OR2B2: variants seen among roughly 807,000 people sequenced by gnomAD.
OR2B2 encodes olfactory receptor family 2 subfamily B member 2, also known as olfactory receptor 2B2.
For missense variants in OR2B2, 362 were observed against 422.4 expected (o/e 0.86, Z 1.25); for synonymous variants, 137 against 150.9 (o/e 0.91, Z 0.67).
chr6:27,911,354 A>G lies in OR2B2; in HGVS notation c.966T>C (p.Phe322=), dbSNP rs765840458. The part of the protein sequence containing the change: ...QEIRNMQMIS[F]AKDTVLTYLT... Reference sequence around the variant, plus strand: ...GGTAAGTAAGCACTGTGTCTTTAGCAAAGCTTATCATTTGCATATTTCTTA... The same window carrying G: ...GGTAAGTAAGCACTGTGTCTTTAGCGAAGCTTATCATTTGCATATTTCTTA... The change falls in exon 1 of 1, where the codon TTT becomes TTC. Residue 322 remains phenylalanine (F), a synonymous_variant. Coordinates refer to ENST00000303324, the MANE Select transcript of OR2B2 (RefSeq NM_033057.2). 2 of 1,614,038 alleles carry G rather than the reference A, an allele frequency of 1.2e-6. No homozygotes were observed. The highest frequency in any genetic ancestry group is 2.2e-5 in the South Asian group (2 of 91,056).
Position 27,911,772 on chromosome 6 carries a change from G to A in OR2B2, c.548C>T (p.Ala183Val), listed in dbSNP as rs764863609. Residue 183 changes from alanine (A) to valine (V), a missense_variant, in exon 1 of 1, where the codon GCT (alanine) becomes GTT (valine). Physicochemically the swap from Ala to Val is moderately conservative, Grantham distance 64. Transcript: ENST00000303324. The stretch of plus-strand genomic sequence containing the variant: ...GTCAACACAGGACAACTTGAGCAGA[G>A]CAGGGACTTCACAGAAGAAGTGATC... ...EVDHFFCEVP[A>V]LLKLSCVDTT... 3 of 1,613,952 alleles carry A rather than the reference G, an allele frequency of 1.9e-6. No homozygotes were observed. Among genetic ancestry groups the A allele is most frequent in the African/African-American group, 2.7e-5 (2 of 75,058 alleles).
In OR2B2 at chr6:27,912,149, G is replaced by A; in HGVS notation, c.171C>T (p.Thr57=). The change falls in exon 1 of 1, where the codon ACC becomes ACT. Residue 57 remains threonine, a synonymous_variant. Coordinates refer to ENST00000303324, the MANE Select transcript of OR2B2 (RefSeq NM_033057.2). ...LVSHVDFKLH[T]PMYFFLSNLS... is the part of the protein sequence containing the mutation. ...GATTGCTAAGAAAAAAGTACATAGGGGTGTGGAGTTTGAAATCCACATGTG... is the reference window on the plus strand; with the variant it reads ...GATTGCTAAGAAAAAAGTACATAGGAGTGTGGAGTTTGAAATCCACATGTG... 6.2e-7 allele frequency: 1 copy of A among 1,614,126 alleles called. No individual in the cohort carries two copies. The highest frequency in any genetic ancestry group is 8.5e-7 in the Non-Finnish European group (1 of 1,180,028).
At position 27,911,592 on chromosome 6, in the gene OR2B2, G is replaced by C. The variant is rs1762197366; in HGVS notation, c.728C>G (p.Ser243Cys). The stretch of plus-strand genomic sequence containing the variant: ...AAAAAGTGACACCACAATTAGATGG[G>C]AGCCACATGTCCCAAATGCCTTTCG... ...GQRKAFGTCG[S>C]HLIVVSLFYG... Residue 243 changes from serine (S) to cysteine (C), a missense_variant, in exon 1 of 1, where the codon TCC becomes TGC. Transcript: ENST00000303324. 6.2e-7 allele frequency: 1 copy of C among 1,613,974 alleles called. No homozygotes were observed. Among genetic ancestry groups the C allele is most frequent in the Admixed American group, 1.7e-5 (1 of 59,986 alleles).
At position 27,911,754 on chromosome 6, in the gene OR2B2, C is replaced by T; in HGVS notation, c.566G>A (p.Cys189Tyr). The change falls in exon 1 of 1, where the codon TGT becomes TAT. Residue 189 changes from cysteine (C) to tyrosine (Y), a missense_variant. Physicochemically the swap from Cys to Tyr is radical, Grantham distance 194. Transcript: ENST00000303324. ...AGCCTCATTTGCTGTTGTGTCAACA[C>T]AGGACAACTTGAGCAGAGCAGGGAC... ...CEVPALLKLS[C>Y]VDTTANEAEL... is the part of the protein sequence containing the mutation. 1.2e-6 allele frequency: 2 copies of T among 1,613,464 alleles called. No homozygotes were observed. The highest frequency in any genetic ancestry group is 1.7e-5 in the Admixed American group (1 of 59,944).
chr6:27,911,773 C>T lies in OR2B2; in HGVS notation c.547G>A (p.Ala183Thr). Residue 183 changes from alanine to threonine, a missense_variant, in exon 1 of 1, where the codon GCT (alanine) becomes ACT (threonine). Coordinates refer to ENST00000303324, the MANE Select transcript of OR2B2 (RefSeq NM_033057.2). The stretch of plus-strand genomic sequence containing the variant: ...TCAACACAGGACAACTTGAGCAGAG[C>T]AGGGACTTCACAGAAGAAGTGATCC... The part of the protein sequence containing the change: ...EVDHFFCEVP[A>T]LLKLSCVDTT... 2 of 1,613,752 alleles carry T rather than the reference C, an allele frequency of 1.2e-6. No homozygotes were observed. The highest frequency in any genetic ancestry group is 1.7e-6 in the Non-Finnish European group (2 of 1,179,828).
Position 27,911,827 on chromosome 6 carries a change from T to G in OR2B2, c.493A>C (p.Lys165Gln). Reference protein sequence around the residue: ...NSVLQSTWTLKMPLCGHKEVD... With the variant: ...NSVLQSTWTLQMPLCGHKEVD... ...TCTTTGTGACCACACAGTGGCATCT[T>G]AAGTGTCCAGGTGGACTGTAATACT... The change falls in exon 1 of 1, where the codon AAG (lysine) becomes CAG (glutamine). Residue 165 changes from lysine to glutamine, a missense_variant. By Grantham distance (53) the Lys-to-Gln change is moderately conservative. Coordinates refer to ENST00000303324, the MANE Select transcript of OR2B2 (RefSeq NM_033057.2). 6.2e-7 allele frequency: 1 copy of G among 1,614,212 alleles called. No homozygotes were observed. Among genetic ancestry groups the G allele is most frequent in the Non-Finnish European group, 8.5e-7 (1 of 1,180,040 alleles).
In OR2B2 at chr6:27,912,206, T is replaced by C; in HGVS notation, c.114A>G (p.Thr38=). The C allele has an allele frequency of 6.2e-7, 1 of 1,614,210 alleles. No homozygotes were observed. Among genetic ancestry groups the C allele is most frequent in the Non-Finnish European group, 8.5e-7 (1 of 1,180,046 alleles). ...FVMFLFSYIL[T]IFGNLTIILV... is the part of the protein sequence containing the mutation. ...GAATTATTGTCAGATTGCCAAAGAT[T>C]GTCAAGATATAGGAAAACAGAAACA... is the stretch of plus-strand genomic sequence containing the variant. The change falls in exon 1 of 1, where the codon ACA becomes ACG. Residue 38 remains threonine, a synonymous_variant. Coordinates refer to ENST00000303324, the MANE Select transcript of OR2B2 (RefSeq NM_033057.2).
At position 27,911,489 on chromosome 6, in the gene OR2B2, G is replaced by A. The variant is rs1184362731; in HGVS notation, c.831C>T (p.Phe277=). 6.2e-7 allele frequency: 1 copy of A among 1,614,162 alleles called. No individual in the cohort carries two copies. Among genetic ancestry groups the A allele is most frequent in the African/African-American group, 1.3e-5 (1 of 75,038 alleles). ...SKDRGKMVSL[F]CGIIAPMLNP... is the part of the protein sequence containing the mutation. ...TCAGCATGGGTGCAATGATTCCACA[G>A]AAGAGAGAAACCATCTTTCCCCGGT... The change falls in exon 1 of 1, where the codon TTC becomes TTT. Residue 277 remains phenylalanine (F), a synonymous_variant. Coordinates refer to ENST00000303324, the MANE Select transcript of OR2B2 (RefSeq NM_033057.2).
At position 27,912,379 on chromosome 6, in the gene OR2B2, C is replaced by T. The variant is rs1762211387; in HGVS notation, c.-60G>A. The T allele has an allele frequency of 2.9e-6, 3 of 1,037,366 alleles. No homozygotes were observed. In the Admixed American group the frequency reaches 7.2e-5, roughly 25 times the overall value. The allele number at this position is 1,037,366 out of a possible 1,614,324, so 64.3% of individuals were successfully genotyped here. On this transcript the variant is annotated 5_prime_UTR_variant, in exon 1 of 1. It adds an upstream start codon to the 5' untranslated region. Transcript: ENST00000303324. ...AAGAAGTCAGGAAGTTAACAACACA[C>T]TTCCTGATTTTGTCAGCTATAATCA...
Position 27,911,291 on chromosome 6 carries a change from A to G in OR2B2, c.1029T>C (p.Ile343=). The change falls in exon 1 of 1, where the codon ATT becomes ATC. Residue 343 remains isoleucine (I), a synonymous_variant. Transcript: ENST00000303324. ...NFSASCPIFV[I]TIENYCNLPQ... is the part of the protein sequence containing the mutation. ...GGAGATTACAATAGTTTTCTATAGT[A>G]ATGACAAAAATAGGACAACTTGCGG... The G allele has an allele frequency of 6.3e-7, 1 of 1,599,576 alleles. No individual in the cohort carries two copies.
chr6:27,912,265 C>G lies in OR2B2; in HGVS notation c.55G>C (p.Asp19His). Residue 19 changes from aspartate to histidine, a missense_variant, in exon 1 of 1, where the codon GAT becomes CAT. Transcript: ENST00000303324. ...GGTGGAATCTCTAGCCATGGTTGAT[C>G]TGAGAAAACTAACAGAATGAACTCC... ...PQEFILLVFS[D>H]QPWLEIPPFV... 6.2e-7 allele frequency: 1 copy of G among 1,613,366 alleles called. No homozygotes were observed. The highest frequency in any genetic ancestry group is 8.5e-7 in the Non-Finnish European group (1 of 1,179,610).
At position 27,911,783 on chromosome 6, in the gene OR2B2, A is replaced by G; in HGVS notation, c.537T>C (p.Cys179=). 1 of 1,614,058 alleles carries G rather than the reference A, an allele frequency of 6.2e-7. No individual in the cohort carries two copies. Among genetic ancestry groups the G allele is most frequent in the African/African-American group, 1.3e-5 (1 of 75,052 alleles). Residue 179 remains cysteine (C), a synonymous_variant, in exon 1 of 1, where the codon TGT becomes TGC. Transcript: ENST00000303324. The part of the protein sequence containing the change: ...CGHKEVDHFF[C]EVPALLKLSC... ...ACAACTTGAGCAGAGCAGGGACTTC[A>G]CAGAAGAAGTGATCCACTTCTTTGT...
chr6:27,911,752 C>G lies in OR2B2; in HGVS notation c.568G>C (p.Val190Leu). 6 of 1,613,428 alleles carry G rather than the reference C, an allele frequency of 3.7e-6. No homozygotes were observed. Among genetic ancestry groups the G allele is most frequent in the Non-Finnish European group, 5.1e-6 (6 of 1,179,694 alleles). The change falls in exon 1 of 1, where the codon GTT becomes CTT. Residue 190 changes from valine (V) to leucine (L), a missense_variant. Transcript: ENST00000303324. ...TCAGCCTCATTTGCTGTTGTGTCAACACAGGACAACTTGAGCAGAGCAGGG... is the reference window on the plus strand; with the variant it reads ...TCAGCCTCATTTGCTGTTGTGTCAAGACAGGACAACTTGAGCAGAGCAGGG... Reference protein sequence around the residue: ...EVPALLKLSCVDTTANEAELF... With the variant: ...EVPALLKLSCLDTTANEAELF...
At position 27,911,947 on chromosome 6, in the gene OR2B2, C is replaced by A. The variant is rs1463710871; in HGVS notation, c.373G>T (p.Ala125Ser). 1.9e-6 allele frequency: 3 copies of A among 1,614,142 alleles called. No homozygotes were observed. In the Admixed American group the frequency reaches 5.0e-5, roughly 27 times the overall value. ...LAVMCFDRFV[A>S]ICRPLHYSII... ...GAGTAATGGAGAGGCCGACAAATAG[C>A]TACAAACCTATCAAAGCACATGACG... Residue 125 changes from alanine to serine, a missense_variant, in exon 1 of 1, where the codon GCT becomes TCT. Coordinates refer to ENST00000303324, the MANE Select transcript of OR2B2 (RefSeq NM_033057.2).
Position 27,911,613 on chromosome 6 carries a change from T to G in OR2B2, c.707A>C (p.Lys236Thr). 6.2e-7 allele frequency: 1 copy of G among 1,614,168 alleles called. No individual in the cohort carries two copies. Residue 236 changes from lysine to threonine, a missense_variant, in exon 1 of 1, where the codon AAG (lysine) becomes ACG (threonine). Lys to Thr is a moderately conservative substitution (Grantham distance 78, BLOSUM62 -1). Transcript: ENST00000303324. Reference protein sequence around the residue: ...LRIQSAEGQRKAFGTCGSHLI... With the variant: ...LRIQSAEGQRTAFGTCGSHLI... ...ATGGGAGCCACATGTCCCAAATGCC[T>G]TTCGTTGACCTTCAGCAGACTGGAT...
At position 27,911,257 on chromosome 6, in the gene OR2B2, T is replaced by A; in HGVS notation, c.1063A>T (p.Lys355Ter). 1 of 1,547,748 alleles carries A rather than the reference T, an allele frequency of 6.5e-7. No homozygotes were observed. Among genetic ancestry groups the A allele is most frequent in the Non-Finnish European group, 8.7e-7 (1 of 1,147,374 alleles). The change falls in exon 1 of 1, where the codon AAA becomes TAA. Residue 355 changes from lysine to a stop codon, truncating the protein, a stop_gained. Transcript: ENST00000303324. LOFTEE classifies it high-confidence loss of function. ...IENYCNLPQR[K>*]FP ...AATATAGCTTTTTGTCAAGGAAATT[T>A]TCTTTGAGGGAGATTACAATAGTTT... is the stretch of plus-strand genomic sequence containing the variant.
rs755208321 is a variant in OR2B2, at chr6:27,911,840, G to A, written c.480C>T (p.Ser160=). 4.3e-6 allele frequency: 7 copies of A among 1,614,154 alleles called. No homozygotes were observed. The highest frequency in any genetic ancestry group is 2.2e-5 in the East Asian group (1 of 44,886). Residue 160 remains serine, a synonymous_variant, in exon 1 of 1, where the codon TCC becomes TCT. Coordinates refer to ENST00000303324, the MANE Select transcript of OR2B2 (RefSeq NM_033057.2). ...ACAGTGGCATCTTAAGTGTCCAGGT[G>A]GACTGTAATACTGAATTGCTAAAGC... is the stretch of plus-strand genomic sequence containing the variant. ...ISGFSNSVLQ[S]TWTLKMPLCG...
chr6:27,911,725 G>A lies in OR2B2; in HGVS notation c.595C>T (p.Leu199=). 6.2e-7 allele frequency: 1 copy of A among 1,613,392 alleles called. No individual in the cohort carries two copies. Among genetic ancestry groups the A allele is most frequent in the Non-Finnish European group, 8.5e-7 (1 of 1,179,546 alleles). The change falls in exon 1 of 1, where the codon CTA becomes TTA. Residue 199 remains leucine (L), a synonymous_variant. Coordinates refer to ENST00000303324, the MANE Select transcript of OR2B2 (RefSeq NM_033057.2). ...CVDTTANEAE[L]FFISVLFLLI... is the part of the protein sequence containing the mutation. ...AGGAATAGCACACTGATGAAGAATA[G>A]TTCAGCCTCATTTGCTGTTGTGTCA...
In OR2B2 at chr6:27,912,326, T is replaced by G; in HGVS notation, c.-7A>C. ...TCTTATTTACCCAATTCATGTTAAA[T>G]GGTTCAACTCTTCGTTCTCTGAAAT... On this transcript the variant is annotated 5_prime_UTR_variant, in exon 1 of 1. Coordinates refer to ENST00000303324, the MANE Select transcript of OR2B2 (RefSeq NM_033057.2). 2 of 1,528,608 alleles carry G rather than the reference T, an allele frequency of 1.3e-6. No individual in the cohort carries two copies. Among genetic ancestry groups the G allele is most frequent in the Non-Finnish European group, 1.8e-6 (2 of 1,122,840 alleles). 94.7% of individuals were successfully genotyped at this position (1,528,608 alleles called of 1,614,324 possible).
Sources: gnomAD v4.1 joint callset for allele counts on GRCh38, gnomAD v4.1.1 for gene constraint, MANE v1.5 for transcripts, NCBI Gene and HGNC (gene_info 2026-07-23, HGNC 2026-07-21) for gene names.